BBX: variants seen among roughly 807,000 people sequenced by gnomAD.
BBX encodes the protein HMG box transcription factor BBX.
BBX carries 30 observed loss-of-function variants against 100.2 expected under a neutral mutation model. The observed-to-expected ratio is 0.30, with a 90% CI of 0.22 to 0.41. The LOEUF is 0.41. Ranked by LOEUF, BBX falls within the 10% of genes least tolerant of loss-of-function variation. The pLI is 1.00. For synonymous variants in BBX, 376 were observed against 388.1 expected (o/e 0.97, Z 0.37); for missense variants, 1,023 against 1,129.8 (o/e 0.91, Z 1.35).
chr3:107,583,932 TA>T (rs2052475573), intron 2 of BBX, among the ~76,000 whole-genome samples: 1 of 102,602 alleles, frequency 9.7e-6, no homozygotes, highest in African/African-American at 4.0e-5. Context: ...ATATATAATA[TA>T]TATATTATAT....
chr3:107,753,934 TAA>T lies in BBX; in HGVS notation c.826-1663_826-1662del, dbSNP rs568715816. On this transcript the variant is annotated intron_variant, in intron 9 of 17. Transcript: ENST00000325805. ...GTACCAAAAAGGTGTTTATGTTTAT[TAA>T]GTGTTAAAGATAAATCATTATTAGT... Among the ~76,000 whole-genome samples the T allele has an allele frequency of 3.8e-3, 572 of 152,348 alleles. 3 individuals are homozygous for T. The highest frequency in any genetic ancestry group is 0.013 in the African/African-American group (545 of 41,580).
chr3:107,575,362 T>C (rs1370234688), intron 2 of BBX, among the ~76,000 whole-genome samples: 1 of 152,236 alleles, frequency 6.6e-6, no homozygotes, highest in Admixed American at 6.5e-5. Context: ...CTTATTTTGT[T>C]GCCAGTGTTT....
At chr3:107,607,308 T>C (rs1027071772) in intron 2 of BBX, among the ~76,000 whole-genome samples, 3 of 152,172 alleles carry the variant, frequency 2.0e-5, no homozygotes, top group African/African-American at 7.2e-5. Flanking sequence ...TGTTGGCTCC[T>C]GACCTCAGGT....
intron 3 of BBX, among the ~76,000 whole-genome samples, chr3:107,685,800 T>G (rs2059813860): frequency 6.6e-6 from 1 of 152,252 alleles, no homozygotes; most frequent in Non-Finnish European, 1.5e-5. Context: ...GCACGTTTGT[T>G]TTGTAACCAC....
At chr3:107,725,450 A>G (rs2062851849) in intron 5 of BBX, among the ~76,000 whole-genome samples, 1 of 152,098 alleles carries the variant, frequency 6.6e-6, no homozygotes, top group African/African-American at 2.4e-5. Context: ...ACTATGTTGA[A>G]TAGGAATGGT....
At chr3:107,767,671 A>G (rs2066506824) in intron 10 of BBX, among the ~76,000 whole-genome samples, 1 of 152,226 alleles carries the variant, frequency 6.6e-6, no homozygotes, top group East Asian at 1.9e-4. Context: ...AAATCATTCT[A>G]ATCATGTTTG....
chr3:107,687,399 T>C (rs561051673), intron 3 of BBX, among the ~76,000 whole-genome samples: 1 of 152,146 alleles, frequency 6.6e-6, no homozygotes, highest in Admixed American at 6.6e-5. Context: ...TATTGTGTCT[T>C]TATTTTTCTT....
At position 107,773,975 on chromosome 3, in the gene BBX, G is replaced by A. The variant is rs950762761; in HGVS notation, c.1915+339G>A. Among the ~76,000 whole-genome samples the A allele has an allele frequency of 6.6e-6, 1 of 152,086 alleles. No homozygotes were observed. Among genetic ancestry groups the A allele is most frequent in the African/African-American group, 2.4e-5 (1 of 41,392 alleles). On this transcript the variant is annotated intron_variant, in intron 11 of 17. Transcript: ENST00000325805. The surrounding 1 kb of genome is among the most constrained non-coding windows in gnomAD (Gnocchi z 4.1). ...TTAGGTTTGGTTTTGAAAACTGGTG[G>A]AATTTCGAGAATCAAGCACGTATGT... is the stretch of plus-strand genomic sequence containing the variant.
chr3:107,781,944 G>A (rs1397680576), intron 13 of BBX, among the ~76,000 whole-genome samples: 2 of 152,138 alleles, frequency 1.3e-5, no homozygotes, highest in African/African-American at 4.8e-5. Context: ...TCCTCTGTTT[G>A]AGGTGGGGCC....
At chr3:107,602,353 C>T (rs1016629385) in intron 2 of BBX, among the ~76,000 whole-genome samples, 1 of 152,172 alleles carries the variant, frequency 6.6e-6, no homozygotes, top group Admixed American at 6.5e-5. Flanking sequence ...AGTGATTGCT[C>T]TGATGGATCT....
chr3:107,731,278 A>G (rs1398339116), intron 6 of BBX, among the ~76,000 whole-genome samples: 2 of 152,126 alleles, frequency 1.3e-5, no homozygotes, highest in Admixed American at 6.6e-5. Context: ...TCATGTTCCT[A>G]TTTTACTTTG....
At chr3:107,681,555 T>A (rs2107996444) in intron 3 of BBX, among the ~76,000 whole-genome samples, 1 of 152,048 alleles carries the variant, frequency 6.6e-6, no homozygotes, top group Admixed American at 6.5e-5. Flanking sequence ...CAGCAGGAAG[T>A]GAAACAGCCT....
chr3:107,646,387 A>T (rs906086643), intron 3 of BBX, among the ~76,000 whole-genome samples: 44 of 152,126 alleles, frequency 2.9e-4, no homozygotes, highest in Admixed American at 1.0e-3. Context: ...TTATATATGA[A>T]AACCACATAA....
At chr3:107,539,235 G>C (rs187678421) in intron 2 of BBX, among the ~76,000 whole-genome samples, 3 of 152,254 alleles carry the variant, frequency 2.0e-5, no homozygotes, top group African/African-American at 7.2e-5. Context: ...GTATAAAGCT[G>C]GGTTAGGAAT....
At chr3:107,734,748 T>C (rs1162811066) in intron 7 of BBX, among the ~76,000 whole-genome samples, 1 of 152,192 alleles carries the variant, frequency 6.6e-6, no homozygotes, top group African/African-American at 2.4e-5. Context: ...AAGAAAAGCA[T>C]GGTTTCTTTT....
chr3:107,648,339 C>G (rs982466135), intron 3 of BBX, among the ~76,000 whole-genome samples: 2 of 151,990 alleles, frequency 1.3e-5, no homozygotes, highest in Non-Finnish European at 2.9e-5. Context: ...TTACATTATT[C>G]TTTTATAGGT....
chr3:107,624,205 G>A (rs2055995312), intron 2 of BBX, among the ~76,000 whole-genome samples: 2 of 152,080 alleles, frequency 1.3e-5, no homozygotes, highest in African/African-American at 2.4e-5. Context: ...GTGGTTATGA[G>A]GACTAAGTGG....
chr3:107,638,758 CA>C (rs59474146), intron 2 of BBX, among the ~76,000 whole-genome samples: 45,787 of 90,600 alleles, frequency 0.51, 11,778 homozygotes, highest in East Asian at 0.95. Flanking sequence ...ACTCCTCTAC[CA>C]AAAAAAAAAA....
intron 9 of BBX, among the ~76,000 whole-genome samples, chr3:107,754,469 A>G (rs1235234408): frequency 1.3e-5 from 2 of 152,234 alleles, no homozygotes; most frequent in Non-Finnish European, 2.9e-5. Context: ...CCCAGGAGGA[A>G]AGAGTCCTCA....
Sources: gnomAD v4.1 joint callset for allele counts (sites outside exome capture counted in the v4.1 genomes callset) on GRCh38, gnomAD v4.1.1 for gene constraint, Gnocchi (gnomAD v3.1) non-coding constraint, MANE v1.5 for transcripts, NCBI Gene and HGNC (gene_info 2026-07-23, HGNC 2026-07-21) for gene names.